The following EFNA2 variants were observed in gnomAD, a reference collection of about 807,000 sequenced individuals.
The protein encoded by EFNA2 is ephrin-A2.
EFNA2 carries 18 observed loss-of-function variants against 19.7 expected under a neutral mutation model. The observed-to-expected ratio is 0.91, with a 90% CI of 0.63 to 1.35. The LOEUF (loss-of-function observed/expected upper bound fraction) is 1.35. Ranked by LOEUF, EFNA2 falls within the 40% of genes most tolerant of loss-of-function variation. EFNA2 has a pLI of 0.00. For synonymous variants in EFNA2, 187 were observed against 137.8 expected (o/e 1.36, Z -2.50); for missense variants, 303 against 296.0 (o/e 1.02, Z -0.17).
At chr19:1,284,611 A>G (rs1391313561), upstream of EFNA2, among the ~76,000 whole-genome samples, 5 of 152,208 alleles carry the variant, frequency 3.3e-5, no homozygotes, top group African/African-American at 1.2e-4. The surrounding 1 kb of genome is among the most constrained non-coding windows in gnomAD (Gnocchi z 5.3). Flanking sequence ...GAGGGCACGC[A>G]GGAGACACAG....
rs556581537 is a variant in EFNA2 at position 1,287,425 on chromosome 19, C to T, written c.140+1117C>T. Among the ~76,000 whole-genome samples, 16 of 152,292 alleles carry T rather than the reference C, an allele frequency of 1.1e-4. No homozygotes were observed. Among genetic ancestry groups the T allele is most frequent in the African/African-American group, 3.6e-4 (15 of 41,562 alleles). On this transcript the variant is annotated intron_variant, in intron 1 of 3. Coordinates refer to ENST00000215368, the MANE Select transcript of EFNA2 (RefSeq NM_001405.4). This position sits in a 1 kb window ranked among gnomAD's most constrained non-coding sequence, Gnocchi z 6.2. ...TACTGGTCACTTTCTCTCCGTTTTCCAGCCGCTTCCTGTGCCGACCGAGCC... is the reference window on the plus strand; with the variant it reads ...TACTGGTCACTTTCTCTCCGTTTTCTAGCCGCTTCCTGTGCCGACCGAGCC...
chr19:1,291,562 C>T (rs892820004), intron 1 of EFNA2, among the ~76,000 whole-genome samples: 1 of 152,188 alleles, frequency 6.6e-6, no homozygotes, highest in Admixed American at 6.5e-5. Context: ...CCTGCTCATC[C>T]GGCCAGCCTG....
chr19:1,287,669 G>A lies in EFNA2; in HGVS notation c.140+1361G>A, dbSNP rs60044348. On this transcript the variant is annotated intron_variant, in intron 1 of 3. Transcript: ENST00000215368. This position sits in a 1 kb window ranked among gnomAD's most constrained non-coding sequence, Gnocchi z 6.2. ...GGGCTGAGGGCAGGGACCCCGGGCCGCTGGGGGACGGCTGGCCCACCTCAG... is the reference window on the plus strand; with the variant it reads ...GGGCTGAGGGCAGGGACCCCGGGCCACTGGGGGACGGCTGGCCCACCTCAG... Among the ~76,000 whole-genome samples, 1,441 of 152,030 alleles carry A rather than the reference G, an allele frequency of 9.5e-3. 27 individuals carry two copies. The highest frequency in any genetic ancestry group is 0.033 in the African/African-American group (1,374 of 41,444).
At position 1,294,917 on chromosome 19, in the gene EFNA2, A is replaced by G. The variant is rs901111648; in HGVS notation, c.141-628A>G. Among the ~76,000 whole-genome samples the G allele has an allele frequency of 3.9e-5, 6 of 152,048 alleles. No individual in the cohort carries two copies. Among genetic ancestry groups the G allele is most frequent in the African/African-American group, 1.5e-4 (6 of 41,372 alleles). On this transcript the variant is annotated intron_variant, in intron 1 of 3. Coordinates refer to ENST00000215368, the MANE Select transcript of EFNA2 (RefSeq NM_001405.4). This position sits in a 1 kb window ranked among gnomAD's most constrained non-coding sequence, Gnocchi z 5.8. ...CACAGATGTTAAGCATGTTAGGTAG[A>G]TGCGAAGTTTCTGGAGAGGGAATTC... is the stretch of plus-strand genomic sequence containing the variant.
chr19:1,285,064 A>G (rs780808184), upstream of EFNA2, among the ~76,000 whole-genome samples: 4 of 152,230 alleles, frequency 2.6e-5, no homozygotes, highest in Non-Finnish European at 5.9e-5. This position sits in a 1 kb window ranked among gnomAD's most constrained non-coding sequence, Gnocchi z 4.1. Flanking sequence ...CGTGGCCAAC[A>G]TGGCCAGACA....
At chr19:1,298,325 C>G (rs1568870532) in intron 2 of EFNA2, among the ~76,000 whole-genome samples, 1 of 152,096 alleles carries the variant, frequency 6.6e-6, no homozygotes, top group Non-Finnish European at 1.5e-5. Flanking sequence ...CCCCCAGGTT[C>G]TGGGGTCAGG....
Position 1,286,611 on chromosome 19 carries a change from CGATGCCGG to C in EFNA2, c.140+305_140+312del. Among the ~76,000 whole-genome samples, 1 of 152,172 alleles carries C rather than the reference CGATGCCGG, an allele frequency of 6.6e-6. No homozygotes were observed. The highest frequency in any genetic ancestry group is 1.5e-5 in the Non-Finnish European group (1 of 67,998). On this transcript the variant is annotated intron_variant, in intron 1 of 3. Coordinates refer to ENST00000215368, the MANE Select transcript of EFNA2 (RefSeq NM_001405.4). The surrounding 1 kb of genome is among the most constrained non-coding windows in gnomAD (Gnocchi z 5.6). ...TTTGGGGAACCCCTCTGGTACCCTC[CGATGCCGG>C]GTAGCCCCTGAGTTGCCTGCCTGGA...
chr19:1,285,553 G>A (rs2144608410), upstream of EFNA2, among the ~76,000 whole-genome samples: 1 of 152,246 alleles, frequency 6.6e-6, no homozygotes, highest in Admixed American at 6.5e-5. The surrounding 1 kb of genome is among the most constrained non-coding windows in gnomAD (Gnocchi z 4.1). Flanking sequence ...CGTCGGGGTT[G>A]GTGAGGCTGC....
chr19:1,300,612 G>A lies in EFNA2; in HGVS notation c.*667G>A, dbSNP rs898062767. ...ACCGCGGACCCCCCTGGTGCTCCAG[G>A]TTGGGTGAGTCTGAGCCGGAAGGGG... On this transcript the variant is annotated 3_prime_UTR_variant, in exon 4 of 4. Coordinates refer to ENST00000215368, the MANE Select transcript of EFNA2 (RefSeq NM_001405.4). Among the ~76,000 whole-genome samples, 2 of 152,130 alleles carry A rather than the reference G, an allele frequency of 1.3e-5. No homozygotes were observed. The highest frequency in any genetic ancestry group is 4.8e-5 in the African/African-American group (2 of 41,418).
chr19:1,289,843 C>G (rs912397547), intron 1 of EFNA2, among the ~76,000 whole-genome samples: 1 of 152,218 alleles, frequency 6.6e-6, no homozygotes, highest in Non-Finnish European at 1.5e-5. Flanking sequence ...GCTGGCGTCC[C>G]TCGGCCTCTC....
rs968049526 is a variant in EFNA2 at position 1,297,724 on chromosome 19, C to T, written c.455-827C>T. Among the ~76,000 whole-genome samples the T allele has an allele frequency of 2.0e-5, 3 of 152,014 alleles. No homozygotes were observed. Among genetic ancestry groups the T allele is most frequent in the Non-Finnish European group, 4.4e-5 (3 of 68,000 alleles). ...GCACTCCAGGATGCTTCTGGGGGCC[C>T]GAAAGCAGGGGCGGTGATGCTGGAA... On this transcript the variant is annotated intron_variant, in intron 2 of 3. Coordinates refer to ENST00000215368, the MANE Select transcript of EFNA2 (RefSeq NM_001405.4). This position sits in a 1 kb window ranked among gnomAD's most constrained non-coding sequence, Gnocchi z 5.0.
chr19:1,285,651 C>T (rs1047789313), upstream of EFNA2, among the ~76,000 whole-genome samples: 19 of 151,920 alleles, frequency 1.3e-4, no homozygotes, highest in South Asian at 8.3e-4. This position sits in a 1 kb window ranked among gnomAD's most constrained non-coding sequence, Gnocchi z 4.1. Context: ...GCAGGGTGCG[C>T]CCCCGCCCCT....
At chr19:1,291,733 C>T (rs1476876475) in intron 1 of EFNA2, among the ~76,000 whole-genome samples, 1 of 151,842 alleles carries the variant, frequency 6.6e-6, no homozygotes, top group African/African-American at 2.4e-5. Context: ...GGGTGAGATT[C>T]CTAATTAGTC....
rs934693409 is a variant in EFNA2 at position 1,296,104 on chromosome 19, C to G, written c.454+246C>G. The stretch of plus-strand genomic sequence containing the variant: ...CACTGACCCACCCCGGTCACTGACC[C>G]CCTCCAGATGTCAAGTGCATGATGG... On this transcript the variant is annotated intron_variant, in intron 2 of 3. Coordinates refer to ENST00000215368, the MANE Select transcript of EFNA2 (RefSeq NM_001405.4). This position sits in a 1 kb window ranked among gnomAD's most constrained non-coding sequence, Gnocchi z 4.4. Among the ~76,000 whole-genome samples, 1 of 152,196 alleles carries G rather than the reference C, an allele frequency of 6.6e-6. No individual in the cohort carries two copies. Among genetic ancestry groups the G allele is most frequent in the African/African-American group, 2.4e-5 (1 of 41,446 alleles).
In EFNA2 at chr19:1,300,590, G is replaced by A. The variant is rs528814463; in HGVS notation, c.*645G>A. On this transcript the variant is annotated 3_prime_UTR_variant, in exon 4 of 4. Transcript: ENST00000215368. ...TGGGGGAACACAGCTGCAGCCCACC[G>A]CGGACCCCCCTGGTGCTCCAGGTTG... Among the ~76,000 whole-genome samples the A allele has an allele frequency of 9.7e-4, 147 of 151,660 alleles. No individual in the cohort carries two copies. The highest frequency in any genetic ancestry group is 3.5e-3 in the African/African-American group (144 of 41,044).
chr19:1,289,282 C>T (rs1398559182), intron 1 of EFNA2, among the ~76,000 whole-genome samples: 2 of 152,198 alleles, frequency 1.3e-5, no homozygotes, highest in South Asian at 2.1e-4. Context: ...CTGCAGTGTC[C>T]GAGGTCCCTG....
chr19:1,286,302 A>G lies in EFNA2; in HGVS notation c.134A>G (p.Asn45Ser). ...DRYAVYWNRS[N>S]PRFHAGAGDD... ...TACGCCGTCTACTGGAACCGCAGCA[A>G]CCCCAGGTGAGCGCGGCCGCGCGCG... The change falls in exon 1 of 4, where the codon AAC (asparagine) becomes AGC (serine). Residue 45 changes from asparagine to serine, a missense_variant. Physicochemically the swap from Asn to Ser is conservative, Grantham distance 46 (BLOSUM62 1). Transcript: ENST00000215368. The surrounding 1 kb of genome is among the most constrained non-coding windows in gnomAD (Gnocchi z 5.6). 1.0e-6 allele frequency: 1 copy of G among 1,001,062 alleles called. No individual in the cohort carries two copies. Among genetic ancestry groups the G allele is most frequent in the Non-Finnish European group, 1.2e-6 (1 of 841,098 alleles). 62.0% of individuals were successfully genotyped at this position (1,001,062 alleles called of 1,614,324 possible).
chr19:1,290,144 G>A (rs1041930401), intron 1 of EFNA2, among the ~76,000 whole-genome samples: 41 of 152,188 alleles, frequency 2.7e-4, no homozygotes, highest in African/African-American at 9.1e-4. Flanking sequence ...GTGCGGCTCG[G>A]CCGATAGGGC....
At chr19:1,291,411 T>C (rs1264316166) in intron 1 of EFNA2, among the ~76,000 whole-genome samples, 2 of 152,184 alleles carry the variant, frequency 1.3e-5, no homozygotes, top group African/African-American at 4.8e-5. Flanking sequence ...GAGGAAAAGC[T>C]CCAGTCCTCA....
Sources: allele counts gnomAD v4.1 joint callset (sites outside exome capture counted in the v4.1 genomes callset), GRCh38; gene constraint gnomAD v4.1.1; non-coding constraint Gnocchi (gnomAD v3.1); transcripts MANE v1.5; gene names NCBI Gene and HGNC (gene_info 2026-07-23, HGNC 2026-07-21).